TRIM47: variants seen among roughly 807,000 people sequenced by gnomAD.
The protein encoded by TRIM47 is tripartite motif containing 47, also known as E3 ubiquitin-protein ligase TRIM47.
Under a neutral mutation model 54.4 loss-of-function variants are expected in TRIM47, and 46 were observed. The ratio of observed to expected loss-of-function variants is 0.84; its 90% CI spans 0.67 to 1.08. The LOEUF (loss-of-function observed/expected upper bound fraction) is 1.08. Ranked by LOEUF, TRIM47 falls within the 50% of genes least tolerant of loss-of-function variation. The probability of loss-of-function intolerance (pLI) is 0.00; values close to 1 mark genes in which losing one functional copy is unlikely to be tolerated. For synonymous variants in TRIM47, 392 were observed against 410.2 expected, an observed-to-expected ratio of 0.96 and a Z score of 0.54; for missense variants, 825 against 910.1, an observed-to-expected ratio of 0.91 and a Z score of 1.20.
Position 75,877,873 on chromosome 17 carries a change from C to G in TRIM47, c.675+1G>C. On this transcript the variant is annotated splice_donor_variant, in intron 1 of 5. Transcript: ENST00000254816. LOFTEE classifies it high-confidence loss of function. ...CACCCGAGTGTGCCCCCGGAGCCCA[C>G]CTCCTGAAGCGCGCGCTCCTGCTCC... 7.4e-7 allele frequency: 1 copy of G among 1,351,830 alleles called. No individual in the cohort carries two copies. Among genetic ancestry groups the G allele is most frequent in the East Asian group, 3.1e-5 (1 of 32,566 alleles). The allele number at this position is 1,351,830 out of a possible 1,614,324, so 83.7% of individuals were successfully genotyped here.
Position 75,875,752 on chromosome 17 carries a change from TG to T in TRIM47, c.1201+148del. 1.1e-6 allele frequency: 1 copy of T among 938,916 alleles called. No homozygotes were observed. Among genetic ancestry groups the T allele is most frequent in the Non-Finnish European group, 1.6e-6 (1 of 630,962 alleles). 58.2% of individuals were successfully genotyped at this position (938,916 alleles called of 1,614,324 possible). Reference sequence around the variant, plus strand: ...AAGGGGCTGATTGATCCCCACAGGGTGGCAGCTCTAGTCACTGGCAGGATTT... The same window carrying T: ...AAGGGGCTGATTGATCCCCACAGGGTGCAGCTCTAGTCACTGGCAGGATTT... On this transcript the variant is annotated intron_variant, in intron 4 of 5. Coordinates refer to ENST00000254816, the MANE Select transcript of TRIM47 (RefSeq NM_033452.3). The surrounding 1 kb of genome is among the most constrained non-coding windows in gnomAD (Gnocchi z 6.1).
rs755774585 is a variant in TRIM47, at chr17:75,874,717, G to A, written c.1683C>T (p.Phe561=). 6.8e-6 allele frequency: 11 copies of A among 1,613,852 alleles called. No individual in the cohort carries two copies. The African/African-American group carries it at 1.5e-4, about 22-fold the overall frequency. ...TCATCTTGCCGTCCCGTACAGCATA[G>A]AAGGCCAAGGCACGGTCAGCGTATT... ...CLEYADRALA[F]YAVRDGKMSL... is the part of the protein sequence containing the mutation. Residue 561 remains phenylalanine (F), a synonymous_variant, in exon 6 of 6, where the codon TTC becomes TTT. Coordinates refer to ENST00000254816, the MANE Select transcript of TRIM47 (RefSeq NM_033452.3). The surrounding 1 kb of genome is among the most constrained non-coding windows in gnomAD (Gnocchi z 6.2).
intron 1 of TRIM47, chr17:75,877,647 G>T (rs917486855): frequency 8.2e-7 from 1 of 1,222,140 alleles, no homozygotes; most frequent in African/African-American, 1.6e-5. Flanking sequence ...TCCCCTGCCC[G>T]CTCTTCGCGT....
At chr17:75,877,016 G>C (rs910135101) in intron 1 of TRIM47, 45 of 589,634 alleles carry the variant, frequency 7.6e-5, no homozygotes, top group African/African-American at 6.9e-4. Context: ...CGCCTGGGGG[G>C]CGTGCAGGCT....
Position 75,874,931 on chromosome 17 carries a change from T to G in TRIM47, c.1469A>C (p.Glu490Ala), listed in dbSNP as rs747480485. The change falls in exon 6 of 6, where the codon GAG (glutamate) becomes GCG (alanine). Residue 490 changes from glutamate to alanine, a missense_variant. By Grantham distance (107) the Glu-to-Ala change is moderately radical. Transcript: ENST00000254816. This position sits in a 1 kb window ranked among gnomAD's most constrained non-coding sequence, Gnocchi z 6.2. ...CATGACCCCCATGCTGACCCAGCCCTCGATAATCTCCACCTCCCAGTAGTA... is the reference window on the plus strand; with the variant it reads ...CATGACCCCCATGCTGACCCAGCCCGCGATAATCTCCACCTCCCAGTAGTA... ...GTYYWEVEIIEGWVSMGVMAE... is the reference protein window; with the variant it reads ...GTYYWEVEIIAGWVSMGVMAE... 1 of 1,613,978 alleles carries G rather than the reference T, an allele frequency of 6.2e-7. No individual in the cohort carries two copies. The highest frequency in any genetic ancestry group is 8.5e-7 in the Non-Finnish European group (1 of 1,179,948).
rs1439582429 is a variant in TRIM47, at chr17:75,874,633, G to C, written c.1767C>G (p.Pro589=). 1.3e-6 allele frequency: 2 copies of C among 1,585,368 alleles called. No individual in the cohort carries two copies. The highest frequency in any genetic ancestry group is 2.3e-5 in the South Asian group (2 of 87,954). ...RPRRGGIPAS[P]IDPFQSRLDS... ...CCAGGCGGCTCTGGAAGGGGTCAAT[G>C]GGGGAGGCCGGGATGCCACCCCGGC... The change falls in exon 6 of 6, where the codon CCC becomes CCG. Residue 589 remains proline, a synonymous_variant. Coordinates refer to ENST00000254816, the MANE Select transcript of TRIM47 (RefSeq NM_033452.3). This position sits in a 1 kb window ranked among gnomAD's most constrained non-coding sequence, Gnocchi z 6.2.
rs3744021 is a variant in TRIM47, at chr17:75,875,830, G to A, written c.1201+71C>T. 0.31 allele frequency: 476,696 copies of A among 1,520,332 alleles called. 83,226 individuals carry two copies. The highest frequency in any genetic ancestry group is 0.75 in the African/African-American group (54,946 of 72,916). The allele number at this position is 1,520,332 out of a possible 1,614,324, so 94.2% of individuals were successfully genotyped here. On this transcript the variant is annotated intron_variant, in intron 4 of 5. Coordinates refer to ENST00000254816, the MANE Select transcript of TRIM47 (RefSeq NM_033452.3). The surrounding 1 kb of genome is among the most constrained non-coding windows in gnomAD (Gnocchi z 6.1). ...TTTCCTCCTCCACTTCTGGATGGGC[G>A]CCAGGCCTGGGGGCCTGTGCGAGAG...
At position 75,878,436 on chromosome 17, in the gene TRIM47, G is replaced by T; in HGVS notation, c.113C>A (p.Pro38Gln). 1 of 1,427,942 alleles carries T rather than the reference G, an allele frequency of 7.0e-7. No individual in the cohort carries two copies. 88.5% of individuals were successfully genotyped at this position (1,427,942 alleles called of 1,614,324 possible). The change falls in exon 1 of 6, where the codon CCG becomes CAG. Residue 38 changes from proline (P) to glutamine (Q), a missense_variant. Transcript: ENST00000254816. ...GCCGGCTCCACTCGCGCCACGATGC[G>T]GCCAGAGCGCGCCCAGGCAGGCGAG... ...FCLACLGALW[P>Q]HRGASGAGGP...
In TRIM47 at chr17:75,878,568, G is replaced by A. The variant is rs2143982276; in HGVS notation, c.-20C>T. 1.6e-6 allele frequency: 2 copies of A among 1,266,048 alleles called. No individual in the cohort carries two copies. The highest frequency in any genetic ancestry group is 3.1e-5 in the East Asian group (1 of 32,342). The allele number at this position is 1,266,048 out of a possible 1,614,324, so 78.4% of individuals were successfully genotyped here. A position where few individuals can be genotyped will look rare whatever the true frequency, so the allele number is the denominator to read the frequency against. ...GTCCATGACTCCGCGGCCGCCCAGG[G>A]CGCCGCCGATTGTGCTCCGGCCTGG... On this transcript the variant is annotated 5_prime_UTR_variant, in exon 1 of 6. Coordinates refer to ENST00000254816, the MANE Select transcript of TRIM47 (RefSeq NM_033452.3).
In TRIM47 at chr17:75,878,104, C is replaced by CGAGGCAGGA; in HGVS notation, c.436_444dup (p.Ser146_Leu148dup). 7.6e-7 allele frequency: 1 copy of CGAGGCAGGA among 1,312,742 alleles called. No individual in the cohort carries two copies. Among genetic ancestry groups the CGAGGCAGGA allele is most frequent in the Non-Finnish European group, 9.7e-7 (1 of 1,034,684 alleles). The allele number at this position is 1,312,742 out of a possible 1,614,324, so 81.3% of individuals were successfully genotyped here. ...CCCAGGTGCGCGGGGCAAAAGGAGG[C>CGAGGCAGGA]GAGGCAGGAGAGGCAGGACAGCGCG... On this transcript the variant is annotated inframe_insertion, in exon 1 of 6. Coordinates refer to ENST00000254816, the MANE Select transcript of TRIM47 (RefSeq NM_033452.3).
chr17:75,877,001 C>G (rs2065139547), intron 1 of TRIM47, 188 bp from the exon 2 acceptor site: 2 of 613,778 alleles, frequency 3.3e-6, no homozygotes, highest in South Asian at 3.9e-5. Flanking sequence ...GGTGCCTTTC[C>G]TGAACGCCTG....
rs1363163187 is a variant in TRIM47 at position 75,878,389 on chromosome 17, A to AGCGGGCC, written c.153_159dup (p.Cys54GlyfsTer176). On this transcript the variant is annotated frameshift_variant, in exon 1 of 6. Coordinates refer to ENST00000254816, the MANE Select transcript of TRIM47 (RefSeq NM_033452.3). LOFTEE classifies it high-confidence loss of function. ...GGGAAGGGCTCCTGGCACAGCGGGC[A>AGCGGGCC]GCGGGCCGCGCCTCCGGGTCCGCCG... 1.7e-5 allele frequency: 24 copies of AGCGGGCC among 1,413,344 alleles called. No homozygotes were observed. The highest frequency in any genetic ancestry group is 2.0e-5 in the Non-Finnish European group (22 of 1,076,962). The allele number at this position is 1,413,344 out of a possible 1,614,324, so 87.6% of individuals were successfully genotyped here.
At chr17:75,877,419 G>C (rs950355344) in intron 1 of TRIM47, 2 of 172,188 alleles carry the variant, frequency 1.2e-5, no homozygotes, top group African/African-American at 4.7e-5. Context: ...ACTGGCCCCC[G>C]GAACAGCTGG....
chr17:75,875,276 CCTAG>C lies in TRIM47; in HGVS notation c.1276+120_1276+123del. On this transcript the variant is annotated intron_variant, in intron 5 of 5. Coordinates refer to ENST00000254816, the MANE Select transcript of TRIM47 (RefSeq NM_033452.3). This position sits in a 1 kb window ranked among gnomAD's most constrained non-coding sequence, Gnocchi z 6.1. ...CGCCGGGGACCACCCCAGGAGCTGC[CCTAG>C]CTCTCCCCACAAACTGGGGAGAGGA... 1 of 1,425,428 alleles carries C rather than the reference CCTAG, an allele frequency of 7.0e-7. No homozygotes were observed. The highest frequency in any genetic ancestry group is 1.8e-5 in the Admixed American group (1 of 55,322). The allele number at this position is 1,425,428 out of a possible 1,614,324, so 88.3% of individuals were successfully genotyped here. A position where few individuals can be genotyped will look rare whatever the true frequency, so the allele number is the denominator to read the frequency against.
rs1326896865 is a variant in TRIM47 at position 75,874,874 on chromosome 17, T to C, written c.1526A>G (p.Asp509Gly). ...GGCGTTGCGGCCCAGCCGGCCGCGG[T>C]CGTAGGGCTCTTGTGGGGAGAAGTC... ...AEDFSPQEPYDRGRLGRNAHS... is the reference protein window; with the variant it reads ...AEDFSPQEPYGRGRLGRNAHS... Residue 509 changes from aspartate to glycine, a missense_variant, in exon 6 of 6, where the codon GAC becomes GGC. Asp to Gly is a moderately conservative substitution (Grantham distance 94, BLOSUM62 -1). Transcript: ENST00000254816. The surrounding 1 kb of genome is among the most constrained non-coding windows in gnomAD (Gnocchi z 6.2). The C allele has an allele frequency of 1.2e-6, 2 of 1,613,492 alleles. No homozygotes were observed. Among genetic ancestry groups the C allele is most frequent in the South Asian group, 2.2e-5 (2 of 91,068 alleles).
Position 75,877,696 on chromosome 17 carries a change from A to G in TRIM47, c.675+178T>C, listed in dbSNP as rs981708145. 6 of 1,234,328 alleles carry G rather than the reference A, an allele frequency of 4.9e-6. No homozygotes were observed. The Admixed American group carries it at 2.1e-4, about 44-fold the overall frequency. 76.5% of individuals were successfully genotyped at this position (1,234,328 alleles called of 1,614,324 possible). A position where few individuals can be genotyped will look rare whatever the true frequency, so the allele number is the denominator to read the frequency against. On this transcript the variant is annotated intron_variant, in intron 1 of 5. Transcript: ENST00000254816. ...TCACGTCCCTCCTTCCTCCCTTCCC[A>G]TCTCCATCACCGCCAGCAGATGACC...
In TRIM47 at chr17:75,878,436, G is replaced by A; in HGVS notation, c.113C>T (p.Pro38Leu). Residue 38 changes from proline to leucine, a missense_variant, in exon 1 of 6, where the codon CCG becomes CTG. By Grantham distance (98) the Pro-to-Leu change is moderately conservative. Coordinates refer to ENST00000254816, the MANE Select transcript of TRIM47 (RefSeq NM_033452.3). Reference sequence around the variant, plus strand: ...GCCGGCTCCACTCGCGCCACGATGCGGCCAGAGCGCGCCCAGGCAGGCGAG... The same window carrying A: ...GCCGGCTCCACTCGCGCCACGATGCAGCCAGAGCGCGCCCAGGCAGGCGAG... ...FCLACLGALWPHRGASGAGGP... is the reference protein window; with the variant it reads ...FCLACLGALWLHRGASGAGGP... 2 of 1,427,942 alleles carry A rather than the reference G, an allele frequency of 1.4e-6. No homozygotes were observed. Among genetic ancestry groups the A allele is most frequent in the East Asian group, 3.0e-5 (1 of 33,120 alleles). The allele number at this position is 1,427,942 out of a possible 1,614,324, so 88.5% of individuals were successfully genotyped here. A position where few individuals can be genotyped will look rare whatever the true frequency, so the allele number is the denominator to read the frequency against.
Position 75,877,953 on chromosome 17 carries a change from C to G in TRIM47, c.596G>C (p.Cys199Ser). 6.9e-7 allele frequency: 1 copy of G among 1,456,394 alleles called. No homozygotes were observed. The allele number at this position is 1,456,394 out of a possible 1,614,324, so 90.2% of individuals were successfully genotyped here. ...CTGTGCGGCGCAGGCCTCGCACAGA[C>G]ACACGCGCTCCGCGCGGCAGTAGCG... The part of the protein sequence containing the change: ...LERYCRAERV[C>S]LCEACAAQEH... Residue 199 changes from cysteine to serine, a missense_variant, in exon 1 of 6, where the codon TGT (cysteine) becomes TCT (serine). Transcript: ENST00000254816.
Position 75,875,390 on chromosome 17 carries a change from G to C in TRIM47, c.1276+10C>G. On this transcript the variant is annotated intron_variant, in intron 5 of 5. Transcript: ENST00000254816. This position sits in a 1 kb window ranked among gnomAD's most constrained non-coding sequence, Gnocchi z 6.1. ...CAGTGTGAGTGGAGGGGGCACGGGC[G>C]TCCACTTACACTTGAGGAAATAGTC... is the stretch of plus-strand genomic sequence containing the variant. The C allele has an allele frequency of 2.5e-6, 4 of 1,613,530 alleles. No individual in the cohort carries two copies. Among genetic ancestry groups the C allele is most frequent in the Non-Finnish European group, 3.4e-6 (4 of 1,179,568 alleles).
Sources: gnomAD v4.1 joint callset for allele counts on GRCh38, gnomAD v4.1.1 for gene constraint, Gnocchi (gnomAD v3.1) non-coding constraint, MANE v1.5 for transcripts, NCBI Gene and HGNC (gene_info 2026-07-23, HGNC 2026-07-21) for gene names.